Variants in TNS3 observed in about 807,000 individuals in gnomAD.
TNS3 encodes tensin 3, also known as tensin-3.
TNS3 carries 45 observed loss-of-function variants against 140.9 expected under a neutral mutation model. That is an observed-to-expected ratio of 0.32 (90% CI 0.25 to 0.41). The LOEUF (loss-of-function observed/expected upper bound fraction) is 0.41, where lower values mean the gene tolerates loss of function less well. Among genes scored for constraint, TNS3 ranks in the 10% least tolerant of loss-of-function variants. TNS3 has a pLI of 1.00. For missense variants in TNS3, 1,716 were observed against 1,906.7 expected (o/e 0.90, Z 1.86); for synonymous variants, 815 against 788.4 (o/e 1.03, Z -0.56).
chr7:47,383,009 G>T (rs1452810015), intron 16 of TNS3, among the ~76,000 whole-genome samples: 1 of 152,168 alleles, frequency 6.6e-6, no homozygotes, highest in Non-Finnish European at 1.5e-5. Context: ...GAAAATTCCA[G>T]AATGGGAAAC....
intron 20 of TNS3, among the ~76,000 whole-genome samples, chr7:47,323,088 G>A (rs914289980): frequency 6.6e-6 from 1 of 152,208 alleles, no homozygotes; most frequent in Non-Finnish European, 1.5e-5. Context: ...GTCTAGGGCT[G>A]GAGGTACCGC....
intron 20 of TNS3, among the ~76,000 whole-genome samples, chr7:47,325,354 A>T (rs903739877): frequency 3.9e-5 from 6 of 151,998 alleles, no homozygotes; most frequent in African/African-American, 1.2e-4. Flanking sequence ...ACTTTAATTT[A>T]CTTGGGTGAC....
intron 20 of TNS3, among the ~76,000 whole-genome samples, chr7:47,318,472 A>G (rs1787539199): frequency 6.6e-6 from 1 of 152,180 alleles, no homozygotes; most frequent in African/African-American, 2.4e-5. Context: ...CCTTGCCTCA[A>G]AGCTGCTTCC....
chr7:47,381,869 A>G (rs1475268377), intron 16 of TNS3, among the ~76,000 whole-genome samples: 1 of 152,252 alleles, frequency 6.6e-6, no homozygotes, highest in African/African-American at 2.4e-5. Context: ...CATTCTGCAA[A>G]TGATGTGATC....
chr7:47,530,838 A>AAAAAAAAAATATATATATATATAT, intron 1 of TNS3, among the ~76,000 whole-genome samples: 2 of 54,562 alleles, frequency 3.7e-5, no homozygotes, highest in Non-Finnish European at 6.6e-5. Flanking sequence ...AAAAAAAAAA[A>AAAAAAAAAATATATATATATATAT]ATATATATAT....
chr7:47,433,166 C>A (rs996960470), intron 8 of TNS3, among the ~76,000 whole-genome samples: 13 of 152,202 alleles, frequency 8.5e-5, no homozygotes, highest in African/African-American at 2.7e-4. Flanking sequence ...CTGAGACAGG[C>A]CCAGCTACGC....
intron 4 of TNS3, among the ~76,000 whole-genome samples, chr7:47,457,005 CTTTCT>C (rs1381712038): frequency 2.0e-5 from 3 of 150,566 alleles, no homozygotes; most frequent in African/African-American, 7.3e-5. Flanking sequence ...TACCTTACCC[CTTTCT>C]TTTAAGAAAA....
At chr7:47,544,157 G>A (rs930729471) in intron 1 of TNS3, among the ~76,000 whole-genome samples, 1 of 151,838 alleles carries the variant, frequency 6.6e-6, no homozygotes, top group African/African-American at 2.4e-5. Context: ...TAAGTCCCTG[G>A]TAGGATCTCG....
chr7:47,346,166 G>A, intron 18 of TNS3, 21 bp downstream of exon 18: 2 of 1,610,520 alleles, frequency 1.2e-6, no homozygotes, highest in South Asian at 1.1e-5. Context: ...CCAGAAACTG[G>A]GACCTGGCTG....
intron 1 of TNS3, among the ~76,000 whole-genome samples, chr7:47,575,944 A>G (rs1800665803): frequency 6.6e-6 from 1 of 152,030 alleles, no homozygotes; most frequent in South Asian, 2.1e-4. Context: ...CAAGAGAGAA[A>G]TGCATTCTTC....
At chr7:47,432,751 C>T (rs1181340663) in intron 8 of TNS3, among the ~76,000 whole-genome samples, 1 of 152,212 alleles carries the variant, frequency 6.6e-6, no homozygotes, top group Non-Finnish European at 1.5e-5. Flanking sequence ...CCATGTTCCA[C>T]TCAAACTACG....
chr7:47,452,217 A>G (rs771838806), intron 4 of TNS3, among the ~76,000 whole-genome samples: 10 of 152,344 alleles, frequency 6.6e-5, no homozygotes, highest in Middle Eastern at 3.4e-3. Flanking sequence ...TCACAAAACC[A>G]GCTGTGACCA....
intron 15 of TNS3, 137 bp from the exon 16 acceptor site, chr7:47,397,041 G>A (rs1044781111): frequency 6.1e-6 from 4 of 659,814 alleles, no homozygotes; most frequent in Non-Finnish European, 1.1e-5. Flanking sequence ...CCTCCTGCCA[G>A]GAGCCACAAC....
At chr7:47,422,498 A>AGATTTATCTTAT (rs2151466676) in intron 10 of TNS3, among the ~76,000 whole-genome samples, 1 of 152,292 alleles carries the variant, frequency 6.6e-6, no homozygotes, top group South Asian at 2.1e-4. Context: ...CTATAGTCTC[A>AGATTTATCTTAT]GCTACTCAAG....
intron 20 of TNS3, among the ~76,000 whole-genome samples, chr7:47,331,327 AGAATTAC>A (rs1788330074): frequency 6.6e-6 from 1 of 152,166 alleles, no homozygotes; most frequent in African/African-American, 2.4e-5. Flanking sequence ...TTTGTTCCTG[AGAATTAC>A]GTGCTGGCCA....
intron 12 of TNS3, among the ~76,000 whole-genome samples, chr7:47,412,277 A>G (rs770406022): frequency 1.8e-4 from 27 of 152,250 alleles, no homozygotes; most frequent in Non-Finnish European, 2.5e-4. Context: ...AAGACAAAGA[A>G]AACTCAGGAA....
Position 47,400,376 on chromosome 7 carries a change from T to C in TNS3, c.919+17A>G, listed in dbSNP as rs376779953. 42 of 1,612,928 alleles carry C rather than the reference T, an allele frequency of 2.6e-5. No homozygotes were observed. Among genetic ancestry groups the C allele is most frequent in the Non-Finnish European group, 3.0e-5 (35 of 1,179,116 alleles). Reference sequence around the variant, plus strand: ...AGTGTCAGCAAGGACCACCCAGTATTCCACCAAGCTACCCACCTTGAATCT... The same window carrying C: ...AGTGTCAGCAAGGACCACCCAGTATCCCACCAAGCTACCCACCTTGAATCT... On this transcript the variant is annotated intron_variant, in intron 15 of 30. Transcript: ENST00000311160.
At chr7:47,427,579 C>T (rs1038396556) in intron 9 of TNS3, among the ~76,000 whole-genome samples, 4 of 152,128 alleles carry the variant, frequency 2.6e-5, no homozygotes, top group South Asian at 2.1e-4. Context: ...GGGAAGGGTC[C>T]GGGTGTACAC....
chr7:47,454,758 C>T (rs1357463165), intron 4 of TNS3, among the ~76,000 whole-genome samples: 1 of 152,154 alleles, frequency 6.6e-6, no homozygotes, highest in Middle Eastern at 3.2e-3. Flanking sequence ...AGGCAGCGGC[C>T]AGCCAGGCAG....
Sources: gnomAD v4.1 joint callset for allele counts (sites outside exome capture counted in the v4.1 genomes callset) on GRCh38, gnomAD v4.1.1 for gene constraint, MANE v1.5 for transcripts, NCBI Gene and HGNC (gene_info 2026-07-23, HGNC 2026-07-21) for gene names.